The following PRSS23 variants were observed in gnomAD, a reference collection of about 807,000 sequenced individuals.
PRSS23 encodes the protein protease, serine 23.
PRSS23 carries 25 observed loss-of-function variants against 34.7 expected under a neutral mutation model. The ratio of observed to expected loss-of-function variants is 0.72; its 90% CI spans 0.53 to 1.01. The LOEUF (loss-of-function observed/expected upper bound fraction) is 1.01, where lower values mean the gene tolerates loss of function less well. Among genes scored for constraint, PRSS23 ranks in the 50% least tolerant of loss-of-function variants. The pLI, the probability that PRSS23 is intolerant of heterozygous loss-of-function variation, is 0.00. For synonymous variants in PRSS23, 176 were observed against 186.6 expected (o/e 0.94, Z 0.46); for missense variants, 445 against 475.6 (o/e 0.94, Z 0.60).
intron 2 of PRSS23, among the ~76,000 whole-genome samples, chr11:86,923,680 G>A (rs893994500): frequency 3.3e-5 from 5 of 152,132 alleles, no homozygotes; most frequent in Non-Finnish European, 5.9e-5. Flanking sequence ...TTGCTAGTCT[G>A]GGCCAAACAC....
chr11:86,864,720 T>C (rs1948639032), intron 2 of PRSS23, among the ~76,000 whole-genome samples: 1 of 152,250 alleles, frequency 6.6e-6, no homozygotes, highest in Non-Finnish European at 1.5e-5. Context: ...ATGGTTCTTA[T>C]GAACTATGAT....
At chr11:86,943,093 G>A (rs1456428416) in intron 2 of PRSS23, among the ~76,000 whole-genome samples, 2 of 152,332 alleles carry the variant, frequency 1.3e-5, no homozygotes, top group East Asian at 1.9e-4. Context: ...GGTCCTGGCC[G>A]TGCACACAGA....
At chr11:86,919,578 A>C (rs1949034505) in intron 2 of PRSS23, among the ~76,000 whole-genome samples, 1 of 152,228 alleles carries the variant, frequency 6.6e-6, no homozygotes, top group African/African-American at 2.4e-5. Flanking sequence ...CAATGGGAGA[A>C]AGTGGTCCTG....
At chr11:86,855,471 T>C (rs1435270428) in intron 2 of PRSS23, among the ~76,000 whole-genome samples, 1 of 152,170 alleles carries the variant, frequency 6.6e-6, no homozygotes, top group East Asian at 1.9e-4. Flanking sequence ...GCTAAACACC[T>C]TGATACTCTC....
At chr11:86,902,087 A>G (rs1049848648) in intron 2 of PRSS23, among the ~76,000 whole-genome samples, 4 of 152,158 alleles carry the variant, frequency 2.6e-5, no homozygotes, top group Non-Finnish European at 5.9e-5. Flanking sequence ...CTGAATGTCT[A>G]CATAGATGAT....
At chr11:86,941,630 A>C (rs985685498) in intron 2 of PRSS23, among the ~76,000 whole-genome samples, 3 of 152,016 alleles carry the variant, frequency 2.0e-5, no homozygotes, top group Admixed American at 2.0e-4. Context: ...TTTAAAAATC[A>C]CTCCCTTTCC....
chr11:86,820,240 A>G (rs17758376), intron 1 of PRSS23, among the ~76,000 whole-genome samples: 12,025 of 152,274 alleles, frequency 0.079, 686 homozygotes, highest in Non-Finnish European at 0.12. Flanking sequence ...AAGAAGGACA[A>G]TTTTGCAAAA....
At chr11:86,853,807 C>A (rs1233481761) in intron 2 of PRSS23, among the ~76,000 whole-genome samples, 4 of 152,120 alleles carry the variant, frequency 2.6e-5, no homozygotes, top group African/African-American at 9.7e-5. Flanking sequence ...ACACTCCATA[C>A]TATTTTCCCT....
chr11:86,929,701 C>T (rs1787380020), intron 2 of PRSS23, among the ~76,000 whole-genome samples: 1 of 152,206 alleles, frequency 6.6e-6, no homozygotes, highest in Admixed American at 6.5e-5. Context: ...GGAAATTATG[C>T]TTCAAGTGTT....
intron 2 of PRSS23, among the ~76,000 whole-genome samples, chr11:86,892,551 T>A (rs554578621): frequency 6.6e-6 from 1 of 152,258 alleles, no homozygotes; most frequent in East Asian, 1.9e-4. Flanking sequence ...AAGTTCCAAA[T>A]ACACATGATA....
rs138817767 is a variant in PRSS23, at chr11:86,831,245, C to T, written c.206+7652C>T. Among the ~76,000 whole-genome samples, 74 of 151,642 alleles carry T rather than the reference C, an allele frequency of 4.9e-4. 1 individual carries two copies. Among genetic ancestry groups the T allele is most frequent in the Non-Finnish European group, 8.8e-4 (60 of 67,862 alleles). On this transcript the variant is annotated intron_variant, in intron 2 of 2. Coordinates refer to the PRSS23 transcript ENST00000533902. ...GGGAATATTACTCCTAATGTCATAG[C>T]GGGTTTACACCTTTTTGTATTATTC...
chr11:86,859,692 G>A (rs1948599370), intron 2 of PRSS23, among the ~76,000 whole-genome samples: 1 of 151,922 alleles, frequency 6.6e-6, no homozygotes, highest in Admixed American at 6.6e-5. Flanking sequence ...CAATATCCCA[G>A]AAAGTGTACA....
chr11:86,906,226 G>C (rs183177718), intron 2 of PRSS23, among the ~76,000 whole-genome samples: 15 of 152,344 alleles, frequency 9.8e-5, no homozygotes, highest in Admixed American at 9.8e-4. Context: ...CACCGGGATT[G>C]GAAAGGGAAG....
intron 2 of PRSS23, among the ~76,000 whole-genome samples, chr11:86,943,078 G>A (rs1949216894): frequency 6.6e-6 from 1 of 152,248 alleles, no homozygotes; most frequent in South Asian, 2.1e-4. Context: ...TCACATTCCA[G>A]TTAGGGTCCT....
intron 1 of PRSS23, among the ~76,000 whole-genome samples, chr11:86,820,082 G>A (rs562893327): frequency 9.2e-5 from 14 of 152,112 alleles, no homozygotes; most frequent in African/African-American, 2.2e-4. Flanking sequence ...AATCTCCCAC[G>A]TGCATGTAAT....
At chr11:86,916,618 C>G (rs1386220817) in intron 2 of PRSS23, among the ~76,000 whole-genome samples, 1 of 152,182 alleles carries the variant, frequency 6.6e-6, no homozygotes, top group Non-Finnish European at 1.5e-5. Context: ...CTCATGAGTG[C>G]TTCTCACAGA....
At chr11:86,947,827 GT>G (rs1226416674) in intron 2 of PRSS23, 3 of 152,294 alleles carry the variant, frequency 2.0e-5, no homozygotes, top group Non-Finnish European at 4.4e-5. Flanking sequence ...TTGGACAGAG[GT>G]GCCATTGCAC....
chr11:86,923,265 A>G (rs772313481), intron 2 of PRSS23, among the ~76,000 whole-genome samples: 5 of 152,000 alleles, frequency 3.3e-5, no homozygotes, highest in Admixed American at 1.3e-4. Flanking sequence ...CTGGAACTAC[A>G]AGCACACATT....
At chr11:86,935,509 CTT>C (rs756451437) in intron 2 of PRSS23, 3 of 152,072 alleles carry the variant, frequency 2.0e-5, no homozygotes, top group Admixed American at 6.5e-5. Flanking sequence ...TTTTGGTTGT[CTT>C]TTCACATGAA....
Sources: gnomAD v4.1 joint callset for allele counts (sites outside exome capture counted in the v4.1 genomes callset) on GRCh38, gnomAD v4.1.1 for gene constraint, MANE v1.5 for transcripts, NCBI Gene and HGNC (gene_info 2026-07-23, HGNC 2026-07-21) for gene names.